The following SCFD2 variants were observed in gnomAD, a reference collection of about 807,000 sequenced individuals.
SCFD2 encodes the protein sec1 family domain containing 2.
Under a neutral mutation model 58.9 loss-of-function variants are expected in SCFD2, and 54 were observed. That is an observed-to-expected ratio of 0.92 (90% confidence interval 0.74 to 1.15). The LOEUF is 1.15. Ranked by LOEUF, SCFD2 falls within the 50% of genes most tolerant of loss-of-function variation. The pLI is 0.00. For missense variants in SCFD2, 805 were observed against 836.6 expected (o/e 0.96, Z 0.47); for synonymous variants, 321 against 335.9 (o/e 0.96, Z 0.49).
intron 5 of SCFD2, among the ~76,000 whole-genome samples, chr4:53,134,656 A>T (rs1725887131): frequency 6.6e-6 from 1 of 152,282 alleles, no homozygotes; most frequent in South Asian, 2.1e-4. Flanking sequence ...GGAATTAAAT[A>T]GCAAAGGAAG....
intron 5 of SCFD2, among the ~76,000 whole-genome samples, chr4:53,042,701 T>G (rs1168283655): frequency 7.2e-6 from 1 of 139,010 alleles, no homozygotes; most frequent in Non-Finnish European, 1.5e-5. Flanking sequence ...CTATTTTTTT[T>G]GTTTTTTTCA....
chr4:53,099,580 G>A (rs1275094978), intron 5 of SCFD2, among the ~76,000 whole-genome samples: 1 of 152,112 alleles, frequency 6.6e-6, no homozygotes, highest in Non-Finnish European at 1.5e-5. Flanking sequence ...CATTCATGGT[G>A]GAAGGTGAAG....
chr4:53,354,560 G>T (rs1339758091), intron 1 of SCFD2, among the ~76,000 whole-genome samples: 1 of 152,208 alleles, frequency 6.6e-6, no homozygotes, highest in East Asian at 1.9e-4. Flanking sequence ...CCTCAAGTGT[G>T]GCCAGAGCAG....
chr4:52,970,080 C>T (rs1721059094), intron 5 of SCFD2, among the ~76,000 whole-genome samples: 1 of 152,168 alleles, frequency 6.6e-6, no homozygotes, highest in African/African-American at 2.4e-5. Flanking sequence ...GTCTACAGCT[C>T]CCAGCGTGAG....
At chr4:52,912,407 G>T (rs1719507684) in intron 6 of SCFD2, among the ~76,000 whole-genome samples, 1 of 152,042 alleles carries the variant, frequency 6.6e-6, no homozygotes, top group African/African-American at 2.4e-5. Flanking sequence ...AAGCTTTTTA[G>T]AACTTTTTTC....
chr4:52,982,257 G>A (rs972982701), intron 5 of SCFD2, among the ~76,000 whole-genome samples: 3 of 152,156 alleles, frequency 2.0e-5, no homozygotes, highest in Non-Finnish European at 4.4e-5. Flanking sequence ...TCCATCACCC[G>A]AGTAGAGTTA....
intron 5 of SCFD2, among the ~76,000 whole-genome samples, chr4:53,123,536 G>A (rs1251040473): frequency 7.4e-6 from 1 of 135,894 alleles, no homozygotes; most frequent in African/African-American, 2.8e-5. Flanking sequence ...TGGGGGTGGG[G>A]GGGGGGCACT....
chr4:53,267,805 C>T (rs1731036244), intron 4 of SCFD2, among the ~76,000 whole-genome samples: 1 of 152,124 alleles, frequency 6.6e-6, no homozygotes, highest in Admixed American at 6.6e-5. Context: ...TTACCATGAT[C>T]ACATCTAATA....
At chr4:53,130,601 C>T (rs1437692996) in intron 5 of SCFD2, among the ~76,000 whole-genome samples, 2 of 152,182 alleles carry the variant, frequency 1.3e-5, no homozygotes, top group Non-Finnish European at 2.9e-5. Flanking sequence ...TCTACACACA[C>T]ACAGTTATGG....
intron 5 of SCFD2, among the ~76,000 whole-genome samples, chr4:52,939,710 T>C (rs1396295015): frequency 6.8e-6 from 1 of 146,212 alleles, no homozygotes; most frequent in African/African-American, 2.6e-5. Flanking sequence ...AAGAGTACAC[T>C]CAAAGGAATG....
At chr4:53,277,728 T>C (rs1731369824) in intron 3 of SCFD2, among the ~76,000 whole-genome samples, 1 of 152,230 alleles carries the variant, frequency 6.6e-6, no homozygotes, top group Non-Finnish European at 1.5e-5. Flanking sequence ...TAACCGTATG[T>C]TCATTTTAAA....
At chr4:52,899,269 T>G (rs528347635) in intron 7 of SCFD2, among the ~76,000 whole-genome samples, 1 of 152,326 alleles carries the variant, frequency 6.6e-6, no homozygotes, top group South Asian at 2.1e-4. Context: ...ATTTGGCATG[T>G]TTTTGCAGTG....
chr4:53,151,921 G>A (rs1726520050), intron 4 of SCFD2, among the ~76,000 whole-genome samples: 1 of 152,080 alleles, frequency 6.6e-6, no homozygotes, highest in African/African-American at 2.4e-5. Flanking sequence ...AGAGAAGTGG[G>A]GAGGTACCAC....
chr4:53,190,048 G>A (rs1450850226), intron 4 of SCFD2, among the ~76,000 whole-genome samples: 1 of 152,112 alleles, frequency 6.6e-6, no homozygotes. Flanking sequence ...TACACAGAAA[G>A]GTCTAACTCT....
At chr4:53,183,126 A>G (rs1248591363) in intron 4 of SCFD2, among the ~76,000 whole-genome samples, 1 of 152,196 alleles carries the variant, frequency 6.6e-6, no homozygotes, top group Non-Finnish European at 1.5e-5. Flanking sequence ...TAGAAATACC[A>G]TTTGACCCAG....
rs1167511590 is a variant in SCFD2, at chr4:52,925,850, G to A, written c.1562-4980C>T. Among the ~76,000 whole-genome samples the A allele has an allele frequency of 2.0e-5, 3 of 152,116 alleles. 1 individual carries two copies. The highest frequency in any genetic ancestry group is 4.4e-5 in the Non-Finnish European group (3 of 67,970). On this transcript the variant is annotated intron_variant, in intron 5 of 8. Transcript: ENST00000401642. ...GGGTGCCCTATGTTCTTCCATAACC[G>A]GGGGATGACTCATGCCTCTGTAATT...
At chr4:53,020,164 T>A (rs1201901586) in intron 5 of SCFD2, among the ~76,000 whole-genome samples, 4 of 152,366 alleles carry the variant, frequency 2.6e-5, no homozygotes, top group African/African-American at 9.6e-5. Context: ...TAAATTAGCA[T>A]GTCATTTCAT....
chr4:53,039,354 A>G (rs1021846307), intron 5 of SCFD2, among the ~76,000 whole-genome samples: 1 of 152,166 alleles, frequency 6.6e-6, no homozygotes, highest in Non-Finnish European at 1.5e-5. Context: ...TATCAGAATA[A>G]GCCTTAAAAT....
At chr4:53,302,481 C>T (rs376923982) in intron 3 of SCFD2, among the ~76,000 whole-genome samples, 10 of 152,294 alleles carry the variant, frequency 6.6e-5, no homozygotes, top group African/African-American at 2.4e-4. Context: ...ACATTCCATG[C>T]TCATGGGTAG....
Sources: gnomAD v4.1 joint callset for allele counts (sites outside exome capture counted in the v4.1 genomes callset) on GRCh38, gnomAD v4.1.1 for gene constraint, MANE v1.5 for transcripts, NCBI Gene and HGNC (gene_info 2026-07-23, HGNC 2026-07-21) for gene names.